Variants in HMCN2 observed in about 807,000 individuals in gnomAD.
HMCN2 encodes hemicentin 2.
HMCN2 carries 325 observed loss-of-function variants against 377.5 expected under a neutral mutation model. The observed-to-expected ratio is 0.86, with a 90% confidence interval of 0.79 to 0.94. The LOEUF is 0.94. Ranked by LOEUF, HMCN2 falls within the 40% of genes least tolerant of loss-of-function variation. The probability of loss-of-function intolerance (pLI) is 0.00; values close to 1 mark genes in which losing one functional copy is unlikely to be tolerated. For synonymous variants in HMCN2, 2,007 were observed against 2,046.8 expected (o/e 0.98, Z 0.53); for missense variants, 4,543 against 4,725.3 (o/e 0.96, Z 1.13).
intron 4 of HMCN2, among the ~76,000 whole-genome samples, chr9:130,290,754 G>T (rs1257602866): frequency 6.6e-6 from 1 of 151,126 alleles, no homozygotes; most frequent in Non-Finnish European, 1.5e-5. Flanking sequence ...CAACAATGAA[G>T]TAGCTCCAAT....
At chr9:130,356,375 C>A (rs1840027718) in intron 34 of HMCN2, 118 bp downstream of exon 34, 7 of 1,002,938 alleles carry the variant, frequency 7.0e-6, no homozygotes, top group Non-Finnish European at 7.8e-6. Context: ...GATGGCGTTT[C>A]TGGGCTGGAC....
intron 1 of HMCN2, among the ~76,000 whole-genome samples, chr9:130,271,570 T>C (rs782508371): frequency 6.7e-6 from 1 of 149,166 alleles, no homozygotes; most frequent in African/African-American, 2.4e-5. Flanking sequence ...ACCCCTCTTG[T>C]TGTGCACGTG....
intron 8 of HMCN2, among the ~76,000 whole-genome samples, chr9:130,300,274 CTGTCCACCCACA>C (rs1686141324): frequency 6.6e-6 from 1 of 152,104 alleles, no homozygotes; most frequent in African/African-American, 2.4e-5. Context: ...GTCCACCCAC[CTGTCCACCCACA>C]CATCCATCTA....
At chr9:130,403,612 C>G (rs1842957045) in intron 79 of HMCN2, 129 bp from the exon 80 acceptor site, 2 of 1,043,164 alleles carry the variant, frequency 1.9e-6, no homozygotes, top group Admixed American at 6.3e-5. Flanking sequence ...TTGGCTCCTT[C>G]TGTCCCTTGG....
chr9:130,395,472 G>A (rs921043887), intron 71 of HMCN2, 125 bp downstream of exon 71: 4 of 803,898 alleles, frequency 5.0e-6, no homozygotes, highest in South Asian at 1.8e-5. Context: ...TTTGCACCCT[G>A]TTCCCCGGGT....
chr9:130,267,476 A>ACACACACGCGCGCG (rs1265312371), intron 1 of HMCN2, among the ~76,000 whole-genome samples: 2 of 149,818 alleles, frequency 1.3e-5, no homozygotes, highest in African/African-American at 5.0e-5. Flanking sequence ...ACACACACAC[A>ACACACACGCGCGCG]CGCACAGATT....
At position 130,391,206 on chromosome 9, in the gene HMCN2, G is replaced by GC. The variant is rs1308012822; in HGVS notation, c.9676dup (p.Arg3226ProfsTer24). The GC allele has an allele frequency of 1.0e-6, 1 of 987,914 alleles. No homozygotes were observed. The highest frequency in any genetic ancestry group is 1.2e-6 in the Non-Finnish European group (1 of 830,254). 61.2% of individuals were successfully genotyped at this position (987,914 alleles called of 1,614,324 possible). A position where few individuals can be genotyped will look rare whatever the true frequency, so the allele number is the denominator to read the frequency against. On this transcript the variant is annotated frameshift_variant, in exon 64 of 98. Transcript: ENST00000683500. LOFTEE classifies it high-confidence loss of function. ...GCCTCACTGCACCCCTGCCTCAGTG[G>GC]CCCCCCGGATCCGGAGCTCGGGCGT... is the stretch of plus-strand genomic sequence containing the variant.
At position 130,296,669 on chromosome 9, in the gene HMCN2, G is replaced by C. The variant is rs1026922701; in HGVS notation, c.892-5G>C. 10 of 470,836 alleles carry C rather than the reference G, an allele frequency of 2.1e-5. No individual in the cohort carries two copies. Among genetic ancestry groups the C allele is most frequent in the Admixed American group, 1.4e-4 (6 of 42,566 alleles). 29.2% of individuals were successfully genotyped at this position (470,836 alleles called of 1,614,324 possible). ...CTGGTGATGTGAGACCTGGGCCTGCGCTAGGTCTATAGCAGTGGCCGCCAT... is the reference window on the plus strand; with the variant it reads ...CTGGTGATGTGAGACCTGGGCCTGCCCTAGGTCTATAGCAGTGGCCGCCAT... On this transcript the variant is annotated splice_polypyrimidine_tract_variant and splice_region_variant and intron_variant, in intron 6 of 97. Transcript: ENST00000683500.
chr9:130,354,443 A>G (rs532596139), intron 31 of HMCN2, among the ~76,000 whole-genome samples: 62 of 152,144 alleles, frequency 4.1e-4, no homozygotes, highest in Non-Finnish European at 9.0e-4. Context: ...AGTCCAGCAG[A>G]CACTGGACCT....
At chr9:130,322,239 A>T (rs1207043694) in intron 19 of HMCN2, among the ~76,000 whole-genome samples, 2 of 152,184 alleles carry the variant, frequency 1.3e-5, no homozygotes, top group African/African-American at 2.4e-5. Flanking sequence ...CATAGAATAT[A>T]TATTCTTTAT....
chr9:130,290,862 GAA>G (rs34729181), intron 4 of HMCN2, among the ~76,000 whole-genome samples: 12,591 of 121,198 alleles, frequency 0.1, 590 homozygotes, highest in Middle Eastern at 0.22. Context: ...AGCTCAGTCT[GAA>G]AAAAAAAAAA....
chr9:130,265,972 C>T lies in HMCN2; in HGVS notation c.94C>T (p.Pro32Ser), dbSNP rs571451040. The T allele has an allele frequency of 2.1e-6, 1 of 467,332 alleles. No individual in the cohort carries two copies. The highest frequency in any genetic ancestry group is 4.4e-6 in the Non-Finnish European group (1 of 225,838). 28.9% of individuals were successfully genotyped at this position (467,332 alleles called of 1,614,324 possible). A position where few individuals can be genotyped will look rare whatever the true frequency, so the allele number is the denominator to read the frequency against. Residue 32 changes from proline to serine, a missense_variant, in exon 1 of 98, where the codon CCC (proline) becomes TCC (serine). Transcript: ENST00000683500. ...CGGGGCGCCCGGGACGGTAATGCCCCCCACCACGGGGGACGCCACCCTGGC... is the reference window on the plus strand; with the variant it reads ...CGGGGCGCCCGGGACGGTAATGCCCTCCACCACGGGGGACGCCACCCTGGC... Reference protein sequence around the residue: ...VAGAPGTVMPPTTGDATLAFV... With the variant: ...VAGAPGTVMPSTTGDATLAFV...
intron 29 of HMCN2, 114 bp downstream of exon 29, chr9:130,349,777 G>C (rs1839600793): frequency 9.6e-7 from 1 of 1,046,300 alleles, no homozygotes; most frequent in South Asian, 1.6e-5. Flanking sequence ...CATGGCATGT[G>C]CCACCCAGGG....
intron 85 of HMCN2, among the ~76,000 whole-genome samples, 183 bp downstream of exon 85, chr9:130,410,835 T>C (rs146301705): frequency 1.3e-5 from 2 of 152,298 alleles, no homozygotes; most frequent in African/African-American, 2.4e-5. Flanking sequence ...GACTCAGGAC[T>C]GAGCTAAAGA....
intron 1 of HMCN2, among the ~76,000 whole-genome samples, chr9:130,280,219 GGT>G (rs1160612277): frequency 6.7e-6 from 1 of 149,036 alleles, no homozygotes; most frequent in Non-Finnish European, 1.5e-5. Flanking sequence ...TGGGTGCAGT[GGT>G]GCGCGATCTC....
At position 130,292,956 on chromosome 9, in the gene HMCN2, CTCTATCTATCTA is replaced by C. The variant is rs139794898; in HGVS notation, c.613-1866_613-1855del. On this transcript the variant is annotated intron_variant, in intron 4 of 97. Transcript: ENST00000683500. ...GCCATCATTGCTTCTGGATCAATTGCTCTATCTATCTATCTATCTATCTATCTATCTATCTAT... is the reference window on the plus strand; with the variant it reads ...GCCATCATTGCTTCTGGATCAATTGCTCTATCTATCTATCTATCTATCTAT... 3.4e-3 allele frequency among the ~76,000 whole-genome samples: 487 copies of C among 144,786 alleles called. 3 individuals are homozygous for C. Among genetic ancestry groups the C allele is most frequent in the African/African-American group, 9.1e-3 (358 of 39,476 alleles). 95.0% of individuals were successfully genotyped at this position (144,786 alleles called of 152,430 possible).
At chr9:130,388,071 G>C (rs12379991) in intron 61 of HMCN2, among the ~76,000 whole-genome samples, 17,899 of 152,180 alleles carry the variant, frequency 0.12, 1,101 homozygotes, top group Non-Finnish European at 0.14. Flanking sequence ...GGTTGACTCT[G>C]TTCCGCTGGT....
chr9:130,276,882 C>T (rs548311800), intron 1 of HMCN2, among the ~76,000 whole-genome samples: 23 of 152,144 alleles, frequency 1.5e-4, no homozygotes, highest in South Asian at 4.1e-4. Context: ...TACCTGGGGT[C>T]ACTGCAGCTG....
intron 75 of HMCN2, 50 bp from the exon 76 acceptor site, chr9:130,399,461 T>C: frequency 8.1e-7 from 1 of 1,228,158 alleles, no homozygotes; most frequent in South Asian, 1.4e-5. Context: ...AAGCCACAGC[T>C]GGTCTCTGTC....
Sources: allele counts gnomAD v4.1 joint callset (sites outside exome capture counted in the v4.1 genomes callset), GRCh38; gene constraint gnomAD v4.1.1; transcripts MANE v1.5; gene names NCBI Gene and HGNC (gene_info 2026-07-23, HGNC 2026-07-21).